The following RIPOR3 variants were observed in gnomAD, a reference collection of about 807,000 sequenced individuals.
RIPOR3 encodes the protein RIPOR family member 3, also known as family with sequence similarity 65 member C.
In RIPOR3, 95 loss-of-function variants were observed where a neutral mutation model predicts 114.3. That is an observed-to-expected ratio of 0.83 (90% CI 0.70 to 0.99). RIPOR3 has a LOEUF of 0.99. Among genes scored for constraint, RIPOR3 ranks in the 50% least tolerant of loss-of-function variants. The pLI is 0.00. For synonymous variants in RIPOR3, 575 were observed against 543.8 expected (o/e 1.06, Z -0.80); for missense variants, 1,252 against 1,266.9 (o/e 0.99, Z 0.18).
chr20:50,621,044 C>T (rs1006108638), intron 2 of RIPOR3: 18 of 478,832 alleles, frequency 3.8e-5, no homozygotes, highest in Admixed American at 5.2e-5. Flanking sequence ...ATGTCCTGGC[C>T]GCCATGAGGA....
intron 4 of RIPOR3, among the ~76,000 whole-genome samples, chr20:50,611,521 G>T (rs1287316153): frequency 6.6e-6 from 1 of 152,216 alleles, no homozygotes; most frequent in Non-Finnish European, 1.5e-5. Context: ...GGTAGGAGAA[G>T]CGCCTACCTC....
intron 11 of RIPOR3, among the ~76,000 whole-genome samples, chr20:50,606,815 C>T (rs2083737556): frequency 2.0e-5 from 3 of 152,072 alleles, no homozygotes; most frequent in South Asian, 2.1e-4. Flanking sequence ...CTGCAGCCTC[C>T]GCCTCCCCGG....
chr20:50,680,344 G>A (rs1249613349), intron 1 of RIPOR3, among the ~76,000 whole-genome samples: 5 of 152,312 alleles, frequency 3.3e-5, no homozygotes, highest in South Asian at 4.1e-4. Flanking sequence ...ACTAACAGCC[G>A]GGTTTCACGG....
In RIPOR3 at chr20:50,630,807, CCT is replaced by C. The variant is rs757898005; in HGVS notation, c.51_52del (p.Ala19ArgfsTer80). ...GCTCCGGCCCACGACCCCCACGGCC[CCT>C]GTGTCCCCAGGGGACAGGAACCGCA... On this transcript the variant is annotated frameshift_variant, in exon 2 of 22. Transcript: ENST00000327979. LOFTEE classifies it high-confidence loss of function. The C allele has an allele frequency of 2.5e-6, 4 of 1,611,676 alleles. No homozygotes were observed. Among genetic ancestry groups the C allele is most frequent in the South Asian group, 2.2e-5 (2 of 90,658 alleles).
At chr20:50,652,933 C>T (rs929410875) in intron 1 of RIPOR3, among the ~76,000 whole-genome samples, 7 of 152,300 alleles carry the variant, frequency 4.6e-5, no homozygotes, top group South Asian at 2.1e-4. Context: ...AATGTAAATA[C>T]GACCCAGCAG....
At chr20:50,635,571 T>G (rs73121733) in intron 1 of RIPOR3, among the ~76,000 whole-genome samples, 25,783 of 151,924 alleles carry the variant, frequency 0.17, 2,665 homozygotes, top group African/African-American at 0.29. Context: ...GGAGGATCAT[T>G]AGAGACCTCC....
chr20:50,684,617 AG>A (rs1256271823), intron 1 of RIPOR3, among the ~76,000 whole-genome samples: 3 of 152,250 alleles, frequency 2.0e-5, no homozygotes, highest in African/African-American at 7.2e-5. Flanking sequence ...GTAGACCAGG[AG>A]GGAGGCAAGA....
At chr20:50,607,330 C>T (rs1319094388) in intron 11 of RIPOR3, among the ~76,000 whole-genome samples, 1 of 152,192 alleles carries the variant, frequency 6.6e-6, no homozygotes, top group Non-Finnish European at 1.5e-5. Context: ...CATGGGAGCA[C>T]CGAGGCAAGT....
intron 4 of RIPOR3, among the ~76,000 whole-genome samples, chr20:50,615,341 T>G (rs111908238): frequency 0.016 from 2,413 of 151,304 alleles, 65 homozygotes; most frequent in African/African-American, 0.053. Context: ...CTAGGCAACA[T>G]GATGAGACCC....
At chr20:50,664,288 G>A (rs1040412776) in intron 1 of RIPOR3, among the ~76,000 whole-genome samples, 3 of 152,132 alleles carry the variant, frequency 2.0e-5, no homozygotes, top group Non-Finnish European at 4.4e-5. Flanking sequence ...AATATTTAAG[G>A]TAGGACACCG....
intron 1 of RIPOR3, among the ~76,000 whole-genome samples, chr20:50,665,339 C>G (rs1283691213): frequency 6.7e-6 from 1 of 149,084 alleles, no homozygotes; most frequent in Non-Finnish European, 1.5e-5. Flanking sequence ...CCCAGCTACT[C>G]AGGAGGCTGA....
At chr20:50,609,497 C>T (rs546459651) in intron 7 of RIPOR3, 76 bp downstream of exon 7, 1 of 1,447,566 alleles carries the variant, frequency 6.9e-7, no homozygotes, top group Admixed American at 2.7e-5. Flanking sequence ...CCCCCACTGG[C>T]CCAGCTCTCG....
At chr20:50,690,774 T>G (rs1367743069) in intron 1 of RIPOR3, among the ~76,000 whole-genome samples, 1 of 152,138 alleles carries the variant, frequency 6.6e-6, no homozygotes. Context: ...TGCAGGGGGC[T>G]TACCGGGATT....
intron 2 of RIPOR3, chr20:50,621,046 C>T: frequency 4.2e-6 from 2 of 481,788 alleles, no homozygotes; most frequent in Non-Finnish European, 8.1e-6. Flanking sequence ...GTCCTGGCCG[C>T]CATGAGGAAA....
In RIPOR3 at chr20:50,602,431, A is replaced by T; in HGVS notation, c.1300T>A (p.Leu434Met). ...ATGGAGGCGTGGGGACCGAAGGTCAAGGGCAGGAAGCCCACATCTGAGGTG... is the reference window on the plus strand; with the variant it reads ...ATGGAGGCGTGGGGACCGAAGGTCATGGGCAGGAAGCCCACATCTGAGGTG... The part of the protein sequence containing the change: ...ASTSDVGFLP[L>M]TFGPHASIEE... Residue 434 changes from leucine (L) to methionine (M), a missense_variant, in exon 13 of 22, where the codon TTG (leucine) becomes ATG (methionine). Physicochemically the swap from Leu to Met is conservative, Grantham distance 15. Transcript: ENST00000327979. The surrounding 1 kb of genome is among the most constrained non-coding windows in gnomAD (Gnocchi z 4.3). The T allele has an allele frequency of 1.9e-6, 3 of 1,594,646 alleles. No individual in the cohort carries two copies. The highest frequency in any genetic ancestry group is 2.6e-6 in the Non-Finnish European group (3 of 1,169,028).
intron 1 of RIPOR3, among the ~76,000 whole-genome samples, chr20:50,684,258 T>A (rs988206251): frequency 2.0e-5 from 3 of 151,526 alleles, no homozygotes; most frequent in Non-Finnish European, 2.9e-5. Context: ...AAATGGAGAG[T>A]CAGGATGGCC....
chr20:50,670,259 C>T (rs1182263350), intron 1 of RIPOR3, among the ~76,000 whole-genome samples: 2 of 152,038 alleles, frequency 1.3e-5, no homozygotes, highest in Admixed American at 6.6e-5. Context: ...TACCTACTGC[C>T]GGTTTCGGCC....
At chr20:50,619,704 T>A (rs1217339029) in intron 3 of RIPOR3, among the ~76,000 whole-genome samples, 1 of 152,062 alleles carries the variant, frequency 6.6e-6, no homozygotes, top group Non-Finnish European at 1.5e-5. Flanking sequence ...CTATGATTGA[T>A]TGCATTGCTT....
rs191199353 is a variant in RIPOR3, at chr20:50,660,988, A to G, written c.4-30132T>C. ...TGCGGTGTCTCATGCCTGTAATCCCAGCACTTTGGGAGGCCGAGGTGAGTG... is the reference window on the plus strand; with the variant it reads ...TGCGGTGTCTCATGCCTGTAATCCCGGCACTTTGGGAGGCCGAGGTGAGTG... On this transcript the variant is annotated intron_variant, in intron 1 of 21. Coordinates refer to ENST00000327979, the MANE Select transcript of RIPOR3 (RefSeq NM_001290268.2). 8.2e-4 allele frequency among the ~76,000 whole-genome samples: 124 copies of G among 152,064 alleles called. 3 individuals are homozygous for G. Among genetic ancestry groups the G allele is most frequent in the Admixed American group, 8.1e-3 (124 of 15,262 alleles).
Sources: gnomAD v4.1 joint callset for allele counts (sites outside exome capture counted in the v4.1 genomes callset) on GRCh38, gnomAD v4.1.1 for gene constraint, Gnocchi (gnomAD v3.1) non-coding constraint, MANE v1.5 for transcripts, NCBI Gene and HGNC (gene_info 2026-07-23, HGNC 2026-07-21) for gene names.